The following SMAD2 variants were observed in gnomAD, a reference collection of about 807,000 sequenced individuals.
SMAD2 encodes SMAD family member 2.
A neutral mutation model predicts 64.4 loss-of-function variants in SMAD2; 8 were observed. The observed-to-expected ratio is 0.12, with a 90% CI of 0.07 to 0.22. The LOEUF (loss-of-function observed/expected upper bound fraction) is 0.22. Among genes scored for constraint, SMAD2 ranks in the 10% least tolerant of loss-of-function variants. The pLI, the probability that SMAD2 is intolerant of heterozygous loss-of-function variation, is 1.00. For synonymous variants in SMAD2, 203 were observed against 195.8 expected, an observed-to-expected ratio of 1.04 and a Z score of -0.31; for missense variants, 289 against 561.2, an observed-to-expected ratio of 0.51 and a Z score of 4.90.
At position 47,832,168 on chromosome 18, in the gene SMAD2, T is replaced by C. The variant is rs978287934; in HGVS notation, c.*9659A>G. 1.3e-5 allele frequency: 2 copies of C among 152,190 alleles called. No individual in the cohort carries two copies. The highest frequency in any genetic ancestry group is 4.8e-5 in the African/African-American group (2 of 41,440). 9.4% of individuals were successfully genotyped at this position (152,190 alleles called of 1,614,324 possible). A position where few individuals can be genotyped will look rare whatever the true frequency, so the allele number is the denominator to read the frequency against. On this transcript the variant is annotated 3_prime_UTR_variant, in exon 11 of 11. Transcript: ENST00000262160. The stretch of plus-strand genomic sequence containing the variant: ...AACATAGACCTTAATACTTCTCTCA[T>C]ACTCTTCAGCCATTTGATGAACATG...
intron 2 of SMAD2, among the ~76,000 whole-genome samples, chr18:47,878,011 G>A (rs983284218): frequency 1.3e-5 from 2 of 151,974 alleles, no homozygotes; most frequent in African/African-American, 2.4e-5. Context: ...AATGTTTTTC[G>A]ATTTTATCTT....
rs144895433 is a variant in SMAD2, at chr18:47,855,840, C to T, written c.731-4513G>A. On this transcript the variant is annotated intron_variant, in intron 6 of 10. Transcript: ENST00000262160. ...AGCACTTTAAATACACCACCCATCT[C>T]TCCTGGCCTGCAAACTTTCTGCTGA... is the stretch of plus-strand genomic sequence containing the variant. Among the ~76,000 whole-genome samples the T allele has an allele frequency of 5.9e-3, 899 of 152,246 alleles. 5 individuals carry two copies. Among genetic ancestry groups the T allele is most frequent in the Non-Finnish European group, 9.3e-3 (633 of 68,012 alleles).
intron 6 of SMAD2, among the ~76,000 whole-genome samples, chr18:47,856,828 T>C (rs2030728713): frequency 6.6e-6 from 1 of 152,042 alleles, no homozygotes; most frequent in African/African-American, 2.4e-5. Flanking sequence ...AATGCTTAAG[T>C]TTTCCTATTT....
intron 2 of SMAD2, among the ~76,000 whole-genome samples, chr18:47,888,144 T>C (rs1039279790): frequency 6.6e-6 from 1 of 150,464 alleles, no homozygotes; most frequent in Non-Finnish European, 1.5e-5. Context: ...CAACTCCAGG[T>C]AAAATATAAG....
At chr18:47,865,643 G>A (rs1008553672) in intron 5 of SMAD2, among the ~76,000 whole-genome samples, 3 of 152,140 alleles carry the variant, frequency 2.0e-5, no homozygotes, top group African/African-American at 7.2e-5. Context: ...TATGGTTCCG[G>A]ATTGGTCCAG....
In SMAD2 at chr18:47,839,441, C is replaced by T. The variant is rs1243387921; in HGVS notation, c.*2386G>A. On this transcript the variant is annotated 3_prime_UTR_variant, in exon 11 of 11. Coordinates refer to ENST00000262160, the MANE Select transcript of SMAD2 (RefSeq NM_005901.6). The stretch of plus-strand genomic sequence containing the variant: ...ATAGTGGTATTACCTAGGACATTTA[C>T]TCTGCTCACAAGATGGGTAGTGGAA... 4.3e-6 allele frequency: 1 copy of T among 233,234 alleles called. No individual in the cohort carries two copies. The allele number at this position is 233,234 out of a possible 1,614,324, so 14.4% of individuals were successfully genotyped here.
intron 5 of SMAD2, among the ~76,000 whole-genome samples, chr18:47,867,622 C>A (rs1598800715): frequency 7.1e-6 from 1 of 141,356 alleles, no homozygotes; most frequent in Non-Finnish European, 1.6e-5. Flanking sequence ...AAAAGGAAAA[C>A]ATACAAGAAA....
Position 47,828,505 on chromosome 18 carries a change from G to A in SMAD2, c.*13322C>T, listed in dbSNP as rs535057840. On this transcript the variant is annotated 3_prime_UTR_variant, in exon 11 of 11. Coordinates refer to ENST00000262160, the MANE Select transcript of SMAD2 (RefSeq NM_005901.6). ...GTCGAATAGAAAAGGGGGAAATGTG[G>A]GGAAAGGAAAGAGAGATCAGATTGT... 5.9e-6 allele frequency: 1 copy of A among 170,274 alleles called. No homozygotes were observed. The highest frequency in any genetic ancestry group is 2.4e-5 in the African/African-American group (1 of 41,810). 10.5% of individuals were successfully genotyped at this position (170,274 alleles called of 1,614,324 possible). A position where few individuals can be genotyped will look rare whatever the true frequency, so the allele number is the denominator to read the frequency against.
intron 2 of SMAD2, among the ~76,000 whole-genome samples, chr18:47,879,676 TTC>T (rs1393521660): frequency 6.6e-6 from 1 of 152,198 alleles, no homozygotes; most frequent in African/African-American, 2.4e-5. Context: ...GAAATATGAT[TTC>T]TTTTTTTCTC....
In SMAD2 at chr18:47,882,041, C is replaced by CTTTTTTTTTTTTTTTTTTT. The variant is rs71162900; in HGVS notation, c.237-11496_237-11478dup. On this transcript the variant is annotated intron_variant, in intron 2 of 10. Transcript: ENST00000262160. ...CACAGGAATGTACTACCACGCTTGGCTTTTTTTTTTTTTTTTTTTTTTTTT... is the reference window on the plus strand; with the variant it reads ...CACAGGAATGTACTACCACGCTTGGCTTTTTTTTTTTTTTTTTTTTTTTTTTTTTTTTTTTTTTTTTTTT... Among the ~76,000 whole-genome samples, 104 of 38,868 alleles carry CTTTTTTTTTTTTTTTTTTT rather than the reference C, an allele frequency of 2.7e-3. 24 individuals carry two copies. Among genetic ancestry groups the CTTTTTTTTTTTTTTTTTTT allele is most frequent in the African/African-American group, 3.6e-3 (36 of 9,918 alleles). 25.5% of individuals were successfully genotyped at this position (38,868 alleles called of 152,430 possible). A position where few individuals can be genotyped will look rare whatever the true frequency, so the allele number is the denominator to read the frequency against.
intron 1 of SMAD2, among the ~76,000 whole-genome samples, chr18:47,925,037 T>C (rs761838416): frequency 1.3e-5 from 2 of 152,138 alleles, no homozygotes; most frequent in Non-Finnish European, 2.9e-5. Context: ...ACTGAATACA[T>C]TAAATGTGAA....
intron 1 of SMAD2, among the ~76,000 whole-genome samples, chr18:47,915,306 A>G (rs2034290337): frequency 6.6e-6 from 1 of 152,158 alleles, no homozygotes; most frequent in African/African-American, 2.4e-5. Context: ...AGTTCTGTAC[A>G]TTTTATAAAT....
intron 1 of SMAD2, among the ~76,000 whole-genome samples, chr18:47,915,846 TCTATTA>T (rs1156642655): frequency 2.6e-5 from 4 of 152,222 alleles, no homozygotes; most frequent in Non-Finnish European, 5.9e-5. Flanking sequence ...ACTACTGACT[TCTATTA>T]CTATTAATTT....
At chr18:47,860,632 G>A (rs1017979641) in intron 6 of SMAD2, among the ~76,000 whole-genome samples, 4 of 151,782 alleles carry the variant, frequency 2.6e-5, no homozygotes, top group East Asian at 1.9e-4. Flanking sequence ...GAAACTCTTC[G>A]AGAAAACAGG....
intron 2 of SMAD2, chr18:47,882,366 T>C (rs1358464432): frequency 6.6e-6 from 1 of 151,854 alleles, no homozygotes; most frequent in Non-Finnish European, 1.5e-5. Context: ...GGGTGGGTAA[T>C]TTTATCTGTC....
chr18:47,896,541 A>G lies in SMAD2; in HGVS notation c.216T>C (p.Thr72=), dbSNP rs2033446842. Reference sequence around the variant, plus strand: ...CTTACCTTGGTATGGTAACACATTTAGTATTACAGTTTTGAGTGGTGATGG... The same window carrying G: ...CTTACCTTGGTATGGTAACACATTTGGTATTACAGTTTTGAGTGGTGATGG... ...EKAITTQNCN[T]KCVTIPSTCS... is the part of the protein sequence containing the mutation. Residue 72 remains threonine (T), a synonymous_variant, in exon 2 of 11, where the codon ACT becomes ACC. Transcript: ENST00000262160. 1 of 1,613,910 alleles carries G rather than the reference A, an allele frequency of 6.2e-7. No individual in the cohort carries two copies. The highest frequency in any genetic ancestry group is 1.3e-5 in the African/African-American group (1 of 74,938).
chr18:47,880,255 T>C (rs2032509184), intron 2 of SMAD2, among the ~76,000 whole-genome samples: 1 of 152,246 alleles, frequency 6.6e-6, no homozygotes, highest in Non-Finnish European at 1.5e-5. Flanking sequence ...TATTTTCTTA[T>C]AAAAGCTTTA....
In SMAD2 at chr18:47,816,087, T is replaced by C. The variant is rs967367379; in HGVS notation, c.*25740A>G. The C allele has an allele frequency of 5.3e-5, 8 of 152,180 alleles. 1 individual carries two copies. The highest frequency in any genetic ancestry group is 8.8e-5 in the Non-Finnish European group (6 of 68,040). The allele number at this position is 152,180 out of a possible 1,614,324, so 9.4% of individuals were successfully genotyped here. ...TAAGAGACGGTAAACACATACCTCA[T>C]GTCTTGGCTTCTAGAGCCCGGAGAT... is the stretch of plus-strand genomic sequence containing the variant. On this transcript the variant is annotated 3_prime_UTR_variant, in exon 11 of 11. Coordinates refer to ENST00000262160, the MANE Select transcript of SMAD2 (RefSeq NM_005901.6).
intron 2 of SMAD2, chr18:47,886,936 AAAG>A (rs1230797497): frequency 6.4e-6 from 1 of 156,978 alleles, no homozygotes; most frequent in Non-Finnish European, 1.4e-5. Context: ...AAAAAAAAAA[AAAG>A]AAAAGGCTTT....
Sources: allele counts gnomAD v4.1 joint callset (sites outside exome capture counted in the v4.1 genomes callset), GRCh38; gene constraint gnomAD v4.1.1; transcripts MANE v1.5; gene names NCBI Gene and HGNC (gene_info 2026-07-23, HGNC 2026-07-21).